Variants in SUDS3 observed in about 807,000 individuals in gnomAD.
The protein encoded by SUDS3 is SIN3A corepressor complex component SDS3, also known as sin3 histone deacetylase corepressor complex component SDS3.
A neutral mutation model predicts 53.5 loss-of-function variants in SUDS3; 23 were observed. The observed-to-expected ratio is 0.43, with a 90% CI of 0.31 to 0.61. The LOEUF is 0.61. SUDS3 is among the 20% of genes least tolerant of loss of function. The pLI is 0.10. For synonymous variants in SUDS3, 150 were observed against 148.5 expected (o/e 1.01, Z -0.08); for missense variants, 291 against 405.9 (o/e 0.72, Z 2.43).
At chr12:118,377,265 T>A (rs190860396) in intron 1 of SUDS3, among the ~76,000 whole-genome samples, 1 of 151,956 alleles carries the variant, frequency 6.6e-6, no homozygotes, top group African/African-American at 2.4e-5. Flanking sequence ...GGTAGTACAC[T>A]ATTGAGAACT....
intron 6 of SUDS3, among the ~76,000 whole-genome samples, chr12:118,394,876 G>T (rs1484971504): frequency 6.6e-6 from 1 of 152,058 alleles, no homozygotes; most frequent in African/African-American, 2.4e-5. Context: ...TGTAGAGATA[G>T]GGTTTTGCCA....
rs1349908823 is a variant in SUDS3 at position 118,416,920 on chromosome 12, T to A, written c.*2487T>A. ...AACTCTTTCCTGCAGGTGATTACTT[T>A]GAAAAAGGTTGGTCCAGACCATTTT... On this transcript the variant is annotated 3_prime_UTR_variant, in exon 12 of 12. Coordinates refer to ENST00000543473, the MANE Select transcript of SUDS3 (RefSeq NM_022491.3). 6.6e-6 allele frequency: 1 copy of A among 152,230 alleles called. No individual in the cohort carries two copies. Among genetic ancestry groups the A allele is most frequent in the Non-Finnish European group, 1.5e-5 (1 of 68,062 alleles). 9.4% of individuals were successfully genotyped at this position (152,230 alleles called of 1,614,324 possible). A position where few individuals can be genotyped will look rare whatever the true frequency, so the allele number is the denominator to read the frequency against.
intron 6 of SUDS3, among the ~76,000 whole-genome samples, chr12:118,393,734 A>G (rs1300211568): frequency 2.0e-5 from 3 of 151,232 alleles, no homozygotes; most frequent in Non-Finnish European, 4.4e-5. Flanking sequence ...GCAGTGGCGC[A>G]GTCTCGGCTC....
In SUDS3 at chr12:118,417,387, A is replaced by G. The variant is rs556663251; in HGVS notation, c.*2954A>G. The G allele has an allele frequency of 3.9e-5, 6 of 152,164 alleles. No homozygotes were observed. The highest frequency in any genetic ancestry group is 2.0e-4 in the Admixed American group (3 of 15,276). The allele number at this position is 152,164 out of a possible 1,614,324, so 9.4% of individuals were successfully genotyped here. Reference sequence around the variant, plus strand: ...TATTTTTTAACCTAATTCTGGAGAGAAGATTGTATTTTTTACAGTTTTTTG... The same window carrying G: ...TATTTTTTAACCTAATTCTGGAGAGGAGATTGTATTTTTTACAGTTTTTTG... On this transcript the variant is annotated 3_prime_UTR_variant, in exon 12 of 12. Transcript: ENST00000543473.
chr12:118,389,966 T>C lies in SUDS3; in HGVS notation c.360+20T>C. 1 of 1,614,022 alleles carries C rather than the reference T, an allele frequency of 6.2e-7. No homozygotes were observed. Among genetic ancestry groups the C allele is most frequent in the South Asian group, 1.1e-5 (1 of 91,088 alleles). On this transcript the variant is annotated intron_variant, in intron 5 of 11. Coordinates refer to ENST00000543473, the MANE Select transcript of SUDS3 (RefSeq NM_022491.3). ...CTGGAAGTAAGTACCACGGATCTTCTGGGTTTGCAGGCCCTGTCTGAGACT... is the reference window on the plus strand; with the variant it reads ...CTGGAAGTAAGTACCACGGATCTTCCGGGTTTGCAGGCCCTGTCTGAGACT...
In SUDS3 at chr12:118,384,841, A is replaced by AT. The variant is rs1460322053; in HGVS notation, c.268+774_268+775insT. ...AGCGAGACTCAGTCTCAAAAAAAAA[A>AT]AAAAGAGTGCAGGCTCTGGAGTTTT... On this transcript the variant is annotated intron_variant, in intron 3 of 11. Coordinates refer to ENST00000543473, the MANE Select transcript of SUDS3 (RefSeq NM_022491.3). Among the ~76,000 whole-genome samples, 13 of 152,174 alleles carry AT rather than the reference A, an allele frequency of 8.5e-5. No individual in the cohort carries two copies. The East Asian group carries it at 2.5e-3, about 30-fold the overall frequency.
chr12:118,380,292 T>C, intron 2 of SUDS3, 61 bp downstream of exon 2: 1 of 1,415,582 alleles, frequency 7.1e-7, no homozygotes, highest in Non-Finnish European at 9.7e-7. Flanking sequence ...TTATATAGAT[T>C]GAGCATCCCA....
intron 6 of SUDS3, among the ~76,000 whole-genome samples, chr12:118,393,976 T>G (rs2141373561): frequency 6.6e-6 from 1 of 152,282 alleles, no homozygotes; most frequent in African/African-American, 2.4e-5. Context: ...CCGGCTGAGA[T>G]CCTGCATTTC....
At chr12:118,409,667 T>G (rs2046341561) in intron 10 of SUDS3, among the ~76,000 whole-genome samples, 1 of 152,244 alleles carries the variant, frequency 6.6e-6, no homozygotes, top group South Asian at 2.1e-4. Flanking sequence ...GAGATGTGTT[T>G]TACTAAATTT....
At chr12:118,392,989 G>T (rs1373161840) in intron 6 of SUDS3, among the ~76,000 whole-genome samples, 1 of 152,184 alleles carries the variant, frequency 6.6e-6, no homozygotes, top group Admixed American at 6.5e-5. Flanking sequence ...GAAATCATTT[G>T]TAACGCAATA....
intron 6 of SUDS3, among the ~76,000 whole-genome samples, chr12:118,392,208 G>A (rs929699128): frequency 6.6e-6 from 1 of 152,194 alleles, no homozygotes; most frequent in Non-Finnish European, 1.5e-5. Context: ...CTGGGGCTCT[G>A]GTGTGTCTGA....
chr12:118,402,124 A>G (rs2046268578), intron 9 of SUDS3, 120 bp downstream of exon 9: 2 of 1,164,676 alleles, frequency 1.7e-6, no homozygotes, highest in African/African-American at 1.5e-5. Flanking sequence ...CATTTGCCTA[A>G]GAGTAGTCAT....
chr12:118,391,089 G>A (rs1344892544), intron 5 of SUDS3, 37 bp from the exon 6 acceptor site: 2 of 1,610,638 alleles, frequency 1.2e-6, no homozygotes, highest in South Asian at 1.1e-5. Flanking sequence ...GGCTCCCAGG[G>A]CTGTGTACTC....
chr12:118,403,443 A>G lies in SUDS3; in HGVS notation c.729A>G (p.Ala243=), dbSNP rs2141384562. 1.2e-6 allele frequency: 2 copies of G among 1,613,716 alleles called. No individual in the cohort carries two copies. The highest frequency in any genetic ancestry group is 1.7e-6 in the Non-Finnish European group (2 of 1,179,822). ...CATCCTCTCCTGAGCACTTGCCTGC[A>G]ACACCCGCGGAATCTCCAGCCCAGA... ...ASPSSPEHLP[A]TPAESPAQRF... Residue 243 remains alanine (A), a synonymous_variant, in exon 10 of 12, where the codon GCA becomes GCG. Transcript: ENST00000543473.
intron 6 of SUDS3, among the ~76,000 whole-genome samples, 191 bp downstream of exon 6, chr12:118,391,473 T>G (rs2046167341): frequency 6.6e-6 from 1 of 152,202 alleles, no homozygotes; most frequent in African/African-American, 2.4e-5. Context: ...AACTTCTCTT[T>G]TCTCCTCTAT....
chr12:118,379,055 TC>T (rs1283203100), intron 1 of SUDS3, among the ~76,000 whole-genome samples: 1 of 151,512 alleles, frequency 6.6e-6, no homozygotes, highest in Non-Finnish European at 1.5e-5. Context: ...CAGGTGATTC[TC>T]CTGCTTTGGC....
intron 6 of SUDS3, among the ~76,000 whole-genome samples, chr12:118,399,154 C>T (rs2046242041): frequency 6.6e-6 from 1 of 152,036 alleles, no homozygotes; most frequent in African/African-American, 2.4e-5. Context: ...GGGAGGAAGA[C>T]CAGAAATGAG....
intron 2 of SUDS3, among the ~76,000 whole-genome samples, chr12:118,382,913 C>T (rs1259027030): frequency 2.0e-5 from 3 of 152,072 alleles, no homozygotes; most frequent in Non-Finnish European, 4.4e-5. Context: ...AGTGATCCAC[C>T]CGCCTCGGCC....
intron 3 of SUDS3, among the ~76,000 whole-genome samples, chr12:118,384,927 T>G (rs2046100779): frequency 6.6e-6 from 1 of 152,144 alleles, no homozygotes; most frequent in Non-Finnish European, 1.5e-5. Flanking sequence ...CATGCCAGTT[T>G]CTCTTGTTTA....
Sources: gnomAD v4.1 joint callset for allele counts (sites outside exome capture counted in the v4.1 genomes callset) on GRCh38, gnomAD v4.1.1 for gene constraint, MANE v1.5 for transcripts, NCBI Gene and HGNC (gene_info 2026-07-23, HGNC 2026-07-21) for gene names.